Variants in KIRREL3 observed in about 807,000 individuals in gnomAD.
KIRREL3 encodes the protein kirre like nephrin family adhesion molecule 3.
A neutral mutation model predicts 89.7 loss-of-function variants in KIRREL3; 36 were observed. The ratio of observed to expected loss-of-function variants is 0.40; its 90% CI spans 0.31 to 0.53. The LOEUF is 0.53. Ranked by LOEUF, KIRREL3 falls within the 20% of genes least tolerant of loss-of-function variation. The pLI, the probability that KIRREL3 is intolerant of heterozygous loss-of-function variation, is 0.49. For synonymous variants in KIRREL3, 445 were observed against 441.4 expected, an observed-to-expected ratio of 1.01 and a Z score of -0.10; for missense variants, 864 against 1,056.6, an observed-to-expected ratio of 0.82 and a Z score of 2.53.
intron 1 of KIRREL3, among the ~76,000 whole-genome samples, chr11:126,887,540 C>T (rs530673705): frequency 1.3e-5 from 2 of 152,268 alleles, no homozygotes; most frequent in East Asian, 1.9e-4. Context: ...CTGTAACCCA[C>T]CCCTCACTGC....
chr11:126,536,261 G>T (rs1232398613), intron 2 of KIRREL3, among the ~76,000 whole-genome samples: 1 of 146,964 alleles, frequency 6.8e-6, no homozygotes, highest in East Asian at 2.0e-4. Context: ...TATGGTGTGT[G>T]TGTCTGTGTG....
rs1422845204 is a variant in KIRREL3 at position 126,844,636 on chromosome 11, T to C, written c.55+155819A>G. On this transcript the variant is annotated intron_variant, in intron 1 of 16. Coordinates refer to ENST00000525144, the MANE Select transcript of KIRREL3 (RefSeq NM_032531.4). The surrounding 1 kb of genome is among the most constrained non-coding windows in gnomAD (Gnocchi z 4.8). ...GAGGCCCAACTTAGGAAGGTTAGAGTCCTTCCTAAGATTTAGGGAATTAGA... is the reference window on the plus strand; with the variant it reads ...GAGGCCCAACTTAGGAAGGTTAGAGCCCTTCCTAAGATTTAGGGAATTAGA... Among the ~76,000 whole-genome samples, 2 of 152,072 alleles carry C rather than the reference T, an allele frequency of 1.3e-5. No individual in the cohort carries two copies. Among genetic ancestry groups the C allele is most frequent in the Non-Finnish European group, 2.9e-5 (2 of 68,012 alleles).
chr11:126,840,553 T>C (rs1943929893), intron 1 of KIRREL3, among the ~76,000 whole-genome samples: 1 of 152,216 alleles, frequency 6.6e-6, no homozygotes, highest in Non-Finnish European at 1.5e-5. Context: ...GGTTTCACGC[T>C]CCGATTTCAG....
chr11:126,707,545 C>A (rs1947582004), intron 1 of KIRREL3, among the ~76,000 whole-genome samples: 2 of 152,174 alleles, frequency 1.3e-5, no homozygotes, highest in South Asian at 4.1e-4. Context: ...GTCCATTGTT[C>A]TCTCTGTTCA....
At chr11:126,863,630 AGTGCGTGT>A (rs879421314) in intron 1 of KIRREL3, among the ~76,000 whole-genome samples, 35,137 of 87,040 alleles carry the variant, frequency 0.4, 4,758 homozygotes, top group East Asian at 0.58. Flanking sequence ...TGTGTGTTTG[AGTGCGTGT>A]GTGTGTGTTT....
At position 126,587,841 on chromosome 11, in the gene KIRREL3, C is replaced by T. The variant is rs765766929; in HGVS notation, c.56-24929G>A. Reference sequence around the variant, plus strand: ...GAACACAATTCTTATTGCCATCTATCTTTTCACTTCTTTTTAGTTTTCATG... The same window carrying T: ...GAACACAATTCTTATTGCCATCTATTTTTTCACTTCTTTTTAGTTTTCATG... On this transcript the variant is annotated intron_variant, in intron 1 of 16. Coordinates refer to ENST00000525144, the MANE Select transcript of KIRREL3 (RefSeq NM_032531.4). This position sits in a 1 kb window ranked among gnomAD's most constrained non-coding sequence, Gnocchi z 5.2. Among the ~76,000 whole-genome samples the T allele has an allele frequency of 5.9e-5, 9 of 152,186 alleles. No homozygotes were observed. The highest frequency in any genetic ancestry group is 2.2e-4 in the African/African-American group (9 of 41,446).
rs746900710 is a variant in KIRREL3 at position 126,424,977 on chromosome 11, T to A, written c.1940A>T (p.His647Leu). 2 of 1,572,894 alleles carry A rather than the reference T, an allele frequency of 1.3e-6. No individual in the cohort carries two copies. The highest frequency in any genetic ancestry group is 1.2e-5 in the South Asian group (1 of 83,320). ...YYSVNTFKEHHSTPTISLSSC... is the reference protein window; with the variant it reads ...YYSVNTFKEHLSTPTISLSSC... ...GGAGAGGGAGATGGTCGGGGTTGAG[T>A]GGTGCTCTTTGAAGGTGTTGACGCT... Residue 647 changes from histidine to leucine, a missense_variant, in exon 17 of 17, where the codon CAC (histidine) becomes CTC (leucine). Physicochemically the swap from His to Leu is moderately conservative, Grantham distance 99 (BLOSUM62 -3). Transcript: ENST00000525144.
rs1332489553 is a variant in KIRREL3, at chr11:126,712,256, T to C, written c.56-149344A>G. Among the ~76,000 whole-genome samples the C allele has an allele frequency of 9.6e-5, 11 of 114,620 alleles. No homozygotes were observed. In the Admixed American group the frequency reaches 1.1e-3, roughly 11 times the overall value. 75.2% of individuals were successfully genotyped at this position (114,620 alleles called of 152,430 possible). A position where few individuals can be genotyped will look rare whatever the true frequency, so the allele number is the denominator to read the frequency against. On this transcript the variant is annotated intron_variant, in intron 1 of 16. Coordinates refer to ENST00000525144, the MANE Select transcript of KIRREL3 (RefSeq NM_032531.4). Reference sequence around the variant, plus strand: ...GCCCGAAGGAAATGTGTGCTCCAGATAAGGGCGAGTGTGTGTGTGTGTGTG... The same window carrying C: ...GCCCGAAGGAAATGTGTGCTCCAGACAAGGGCGAGTGTGTGTGTGTGTGTG...
rs1356683026 is a variant in KIRREL3 at position 126,526,423 on chromosome 11, A to G, written c.283+115T>C. 9.6e-6 allele frequency: 10 copies of G among 1,036,848 alleles called. No homozygotes were observed. The highest frequency in any genetic ancestry group is 4.2e-6 in the Non-Finnish European group (3 of 714,128). 64.2% of individuals were successfully genotyped at this position (1,036,848 alleles called of 1,614,324 possible). On this transcript the variant is annotated intron_variant, in intron 3 of 16. Coordinates refer to ENST00000525144, the MANE Select transcript of KIRREL3 (RefSeq NM_032531.4). This position sits in a 1 kb window ranked among gnomAD's most constrained non-coding sequence, Gnocchi z 5.7. ...ACTCTGCCTGAGGAGTTGCAGTGAA[A>G]GCTAGAGATTCGATACTCAGACACC...
At chr11:126,895,450 TAAAA>T (rs36085945) in intron 1 of KIRREL3, among the ~76,000 whole-genome samples, 1 of 108,178 alleles carries the variant, frequency 9.2e-6, no homozygotes, top group Non-Finnish European at 1.9e-5. Flanking sequence ...CACTGTCTCT[TAAAA>T]AAAAAAAAAA....
At chr11:126,625,113 C>G (rs1180019236) in intron 1 of KIRREL3, among the ~76,000 whole-genome samples, 1 of 152,198 alleles carries the variant, frequency 6.6e-6, no homozygotes, top group Non-Finnish European at 1.5e-5. Context: ...AGCAAAACTA[C>G]TATCTAATCT....
At position 126,520,720 on chromosome 11, in the gene KIRREL3, G is replaced by T. The variant is rs1263096360; in HGVS notation, c.433+595C>A. On this transcript the variant is annotated intron_variant, in intron 4 of 16. Transcript: ENST00000525144. This position sits in a 1 kb window ranked among gnomAD's most constrained non-coding sequence, Gnocchi z 4.9. ...CTCCTGGGAACATAAGATGAAGAAA[G>T]ATCAAGGGGAAAAGTATGATTTGGA... Among the ~76,000 whole-genome samples, 1 of 152,168 alleles carries T rather than the reference G, an allele frequency of 6.6e-6. No homozygotes were observed. The highest frequency in any genetic ancestry group is 1.9e-4 in the East Asian group (1 of 5,196).
At chr11:126,604,268 G>A (rs761205886) in intron 1 of KIRREL3, among the ~76,000 whole-genome samples, 1 of 152,188 alleles carries the variant, frequency 6.6e-6, no homozygotes, top group Non-Finnish European at 1.5e-5. Context: ...GAGTGTACAC[G>A]TGGGAATGGG....
At chr11:126,681,686 T>A in intron 1 of KIRREL3, 1 of 333,168 alleles carries the variant, frequency 3.0e-6, no homozygotes. Flanking sequence ...GTCACTGGAG[T>A]TGGCCTGGTG....
Position 126,730,674 on chromosome 11 carries a change from G to T in KIRREL3, c.56-167762C>A, listed in dbSNP as rs895884478. On this transcript the variant is annotated intron_variant, in intron 1 of 16. Coordinates refer to ENST00000525144, the MANE Select transcript of KIRREL3 (RefSeq NM_032531.4). ...TGCACCAGGCGGCCCCTGCAACCAAGAACCAAAATGGCGGTAGTCCCCAGG... is the reference window on the plus strand; with the variant it reads ...TGCACCAGGCGGCCCCTGCAACCAATAACCAAAATGGCGGTAGTCCCCAGG... Among the ~76,000 whole-genome samples the T allele has an allele frequency of 3.9e-4, 59 of 152,202 alleles. 2 individuals are homozygous for T. Among genetic ancestry groups the T allele is most frequent in the Non-Finnish European group, 8.8e-5 (6 of 68,046 alleles).
intron 1 of KIRREL3, among the ~76,000 whole-genome samples, chr11:126,848,997 C>A (rs4937201): frequency 0.85 from 128,809 of 151,850 alleles, 54,835 homozygotes; most frequent in East Asian, 1. Flanking sequence ...AAAACAGAGC[C>A]ACTCCATCTT....
At chr11:126,573,067 A>G (rs1051367602) in intron 1 of KIRREL3, among the ~76,000 whole-genome samples, 4 of 152,064 alleles carry the variant, frequency 2.6e-5, no homozygotes, top group Middle Eastern at 6.8e-3. Context: ...AGGGGTGGAG[A>G]TGTGTGGGCT....
intron 1 of KIRREL3, among the ~76,000 whole-genome samples, chr11:126,691,419 T>C (rs763069695): frequency 1.3e-5 from 2 of 152,202 alleles, no homozygotes; most frequent in Admixed American, 6.5e-5. Flanking sequence ...CAATATATTG[T>C]GGTGTGCCTA....
chr11:126,838,085 C>G (rs1359889781), intron 1 of KIRREL3, among the ~76,000 whole-genome samples: 1 of 152,164 alleles, frequency 6.6e-6, no homozygotes, highest in East Asian at 1.9e-4. Context: ...ATTTGGACAT[C>G]ATCTGTCTGA....
Sources: allele counts gnomAD v4.1 joint callset (sites outside exome capture counted in the v4.1 genomes callset), GRCh38; gene constraint gnomAD v4.1.1; non-coding constraint Gnocchi (gnomAD v3.1); transcripts MANE v1.5; gene names NCBI Gene and HGNC (gene_info 2026-07-23, HGNC 2026-07-21).